Variants in SH3GL3 observed in about 807,000 individuals in gnomAD.
SH3GL3 encodes the protein SH3 domain containing GRB2 like 3, endophilin A3, also known as endophilin-A3.
SH3GL3 carries 33 observed loss-of-function variants against 47.7 expected under a neutral mutation model. The observed-to-expected ratio is 0.69, with a 90% CI of 0.52 to 0.92. SH3GL3 has a LOEUF of 0.92. Ranked by LOEUF, SH3GL3 falls within the 40% of genes least tolerant of loss-of-function variation. The pLI is 0.00. For missense variants in SH3GL3, 363 were observed against 417.8 expected, an observed-to-expected ratio of 0.87 and a Z score of 1.14; for synonymous variants, 155 against 148.8, an observed-to-expected ratio of 1.04 and a Z score of -0.30.
intron 3 of SH3GL3, among the ~76,000 whole-genome samples, chr15:83,566,858 T>C (rs1481763608): frequency 1.3e-5 from 2 of 152,256 alleles, no homozygotes; most frequent in Non-Finnish European, 2.9e-5. Flanking sequence ...CTACTCACAG[T>C]GCATTCTATT....
At chr15:83,484,547 T>C (rs1229008555) in intron 1 of SH3GL3, among the ~76,000 whole-genome samples, 2 of 152,156 alleles carry the variant, frequency 1.3e-5, no homozygotes, top group African/African-American at 4.8e-5. Flanking sequence ...TTTTTTTCAC[T>C]CTCCCTGATA....
rs11553020 is a variant in SH3GL3, at chr15:83,568,560, T to C, written c.219T>C (p.Thr73=). The change falls in exon 4 of 9, where the codon ACT becomes ACC. Residue 73 remains threonine, a synonymous_variant. Transcript: ENST00000427482. ...AYRAKLGMLN[T]VSKIRGQVKT... ...GAGCTAAGCTAGGAATGCTGAACAC[T>C]GTGTCGAAGATCCGAGGGCAGGTGA... 1.9e-6 allele frequency: 3 copies of C among 1,613,584 alleles called. No individual in the cohort carries two copies. Among genetic ancestry groups the C allele is most frequent in the African/African-American group, 1.3e-5 (1 of 75,032 alleles).
intron 5 of SH3GL3, among the ~76,000 whole-genome samples, chr15:83,575,814 T>G (rs1343063553): frequency 6.6e-6 from 1 of 152,134 alleles, no homozygotes; most frequent in African/African-American, 2.4e-5. Flanking sequence ...GTATCTGATT[T>G]CCGAGGATTA....
intron 1 of SH3GL3, among the ~76,000 whole-genome samples, chr15:83,480,203 C>T (rs889769150): frequency 6.6e-6 from 1 of 152,186 alleles, no homozygotes; most frequent in South Asian, 2.1e-4. Context: ...TCCTCTTTAA[C>T]TCTATCACCC....
chr15:83,518,402 T>C (rs2043075061), intron 1 of SH3GL3, among the ~76,000 whole-genome samples: 1 of 152,250 alleles, frequency 6.6e-6, no homozygotes, highest in African/African-American at 2.4e-5. Context: ...CATTATCTGT[T>C]GTTTTTTGAC....
Position 83,447,925 on chromosome 15 carries a change from G to T in SH3GL3, c.45+347G>T, listed in dbSNP as rs1048395524. ...CGCGCGAGGGGAGGACGACCACAGG[G>T]AGTACGATGCCGGCAGGGCCTCCCC... On this transcript the variant is annotated intron_variant, in intron 1 of 8. Coordinates refer to ENST00000427482, the MANE Select transcript of SH3GL3 (RefSeq NM_003027.5). The surrounding 1 kb of genome is among the most constrained non-coding windows in gnomAD (Gnocchi z 5.1). Among the ~76,000 whole-genome samples, 1 of 152,120 alleles carries T rather than the reference G, an allele frequency of 6.6e-6. No individual in the cohort carries two copies. Among genetic ancestry groups the T allele is most frequent in the African/African-American group, 2.4e-5 (1 of 41,434 alleles).
chr15:83,553,578 A>G lies in SH3GL3; in HGVS notation c.46-5675A>G, dbSNP rs556573733. Reference sequence around the variant, plus strand: ...AGTGTGCTGGTATGGATACTATGTTATAACATGCATAGTTCTATATGGGTA... The same window carrying G: ...AGTGTGCTGGTATGGATACTATGTTGTAACATGCATAGTTCTATATGGGTA... On this transcript the variant is annotated intron_variant, in intron 1 of 8. Transcript: ENST00000427482. Among the ~76,000 whole-genome samples, 5 of 152,270 alleles carry G rather than the reference A, an allele frequency of 3.3e-5. No homozygotes were observed. In the South Asian group the frequency reaches 1.0e-3, roughly 32 times the overall value.
At chr15:83,502,933 G>A (rs1327690333) in intron 1 of SH3GL3, among the ~76,000 whole-genome samples, 1 of 152,174 alleles carries the variant, frequency 6.6e-6, no homozygotes, top group Non-Finnish European at 1.5e-5. Flanking sequence ...TATGTGACCA[G>A]AGGCTTGAAA....
intron 1 of SH3GL3, chr15:83,490,720 A>G (rs962907399): frequency 1.9e-6 from 3 of 1,540,016 alleles, no homozygotes; most frequent in African/African-American, 1.4e-5. Context: ...GGGCAATATC[A>G]TCCTTTGGAA....
At chr15:83,526,812 A>G (rs1277067901) in intron 1 of SH3GL3, among the ~76,000 whole-genome samples, 2 of 152,060 alleles carry the variant, frequency 1.3e-5, no homozygotes, top group African/African-American at 2.4e-5. Flanking sequence ...CCTGAACTTA[A>G]AAAAAACCAA....
chr15:83,543,221 A>G (rs1156451428), intron 1 of SH3GL3, among the ~76,000 whole-genome samples: 2 of 152,138 alleles, frequency 1.3e-5, no homozygotes, highest in Non-Finnish European at 2.9e-5. Context: ...ATTTTTCAGC[A>G]TCAATTGAAA....
At chr15:83,477,200 G>A (rs2041141312) in intron 1 of SH3GL3, among the ~76,000 whole-genome samples, 1 of 152,202 alleles carries the variant, frequency 6.6e-6, no homozygotes. Flanking sequence ...TGGGTTGCAG[G>A]TTGTCTGGCA....
chr15:83,457,482 A>G (rs1445476114), intron 1 of SH3GL3, among the ~76,000 whole-genome samples: 2 of 152,204 alleles, frequency 1.3e-5, no homozygotes, highest in South Asian at 2.1e-4. Context: ...ATAAGGGGTC[A>G]TGAGGGGCCT....
chr15:83,591,353 A>G (rs186284963), intron 8 of SH3GL3, among the ~76,000 whole-genome samples: 1 of 152,236 alleles, frequency 6.6e-6, no homozygotes, highest in Admixed American at 6.5e-5. Context: ...AATTTTGTAT[A>G]AATGTGAGAC....
chr15:83,491,385 T>G (rs1231759222), intron 1 of SH3GL3, among the ~76,000 whole-genome samples: 1 of 152,354 alleles, frequency 6.6e-6, no homozygotes, highest in African/African-American at 2.4e-5. Context: ...GAATTTAATG[T>G]TAGCATTCCC....
chr15:83,542,336 GTTT>G (rs1189810231), intron 1 of SH3GL3, among the ~76,000 whole-genome samples: 2 of 152,044 alleles, frequency 1.3e-5, no homozygotes, highest in Non-Finnish European at 2.9e-5. Context: ...CTGTGTGTCT[GTTT>G]TTTATGTCAG....
At chr15:83,490,640 G>A in intron 1 of SH3GL3, 1 of 803,666 alleles carries the variant, frequency 1.2e-6, no homozygotes, top group Non-Finnish European at 1.9e-6. Context: ...GTATATGACG[G>A]TGGTCACTGG....
At chr15:83,471,482 G>A (rs1385634691) in intron 1 of SH3GL3, among the ~76,000 whole-genome samples, 1 of 152,206 alleles carries the variant, frequency 6.6e-6, no homozygotes, top group African/African-American at 2.4e-5. Flanking sequence ...GCCAGTCACA[G>A]GCAGCTAGCT....
chr15:83,482,247 T>C (rs1156406705), intron 1 of SH3GL3, among the ~76,000 whole-genome samples: 1 of 152,218 alleles, frequency 6.6e-6, no homozygotes, highest in Admixed American at 6.5e-5. Flanking sequence ...TCATCATATA[T>C]CTTGTAATGG....
Sources: gnomAD v4.1 joint callset for allele counts (sites outside exome capture counted in the v4.1 genomes callset) on GRCh38, gnomAD v4.1.1 for gene constraint, Gnocchi (gnomAD v3.1) non-coding constraint, MANE v1.5 for transcripts, NCBI Gene and HGNC (gene_info 2026-07-23, HGNC 2026-07-21) for gene names.